Variants in NRXN3 observed in about 807,000 individuals in gnomAD.
The protein encoded by NRXN3 is neurexin III.
Under a neutral mutation model 137.6 loss-of-function variants are expected in NRXN3, and 32 were observed. The observed-to-expected ratio is 0.23, with a 90% confidence interval of 0.18 to 0.31. The LOEUF (loss-of-function observed/expected upper bound fraction) is 0.31. Ranked by LOEUF, NRXN3 falls within the 10% of genes least tolerant of loss-of-function variation. The probability of loss-of-function intolerance (pLI) is 1.00; values close to 1 mark genes in which losing one functional copy is unlikely to be tolerated. For missense variants in NRXN3, 1,574 were observed against 2,062.5 expected (o/e 0.76, Z 4.59); for synonymous variants, 798 against 784.5 (o/e 1.02, Z -0.29).
At chr14:78,478,091 C>G (rs2095410727) in intron 4 of NRXN3, among the ~76,000 whole-genome samples, 1 of 152,082 alleles carries the variant, frequency 6.6e-6, no homozygotes, top group African/African-American at 2.4e-5. Context: ...GCTGAGAAGC[C>G]AGGGTTTAAT....
At chr14:79,192,422 A>G (rs2064495303) in intron 15 of NRXN3, among the ~76,000 whole-genome samples, 1 of 152,090 alleles carries the variant, frequency 6.6e-6, no homozygotes, top group Non-Finnish European at 1.5e-5. Context: ...GTAATATGCA[A>G]CCTTGAATTA....
intron 2 of NRXN3, among the ~76,000 whole-genome samples, chr14:78,246,789 C>T (rs537199667): frequency 1.3e-5 from 2 of 150,426 alleles, no homozygotes; most frequent in East Asian, 3.9e-4. Context: ...CTACACAAAA[C>T]AAGATAATGT....
chr14:79,540,597 G>T (rs1601840257), intron 16 of NRXN3, among the ~76,000 whole-genome samples: 2 of 152,138 alleles, frequency 1.3e-5, no homozygotes, highest in Non-Finnish European at 1.5e-5. Context: ...CACAGCCTAG[G>T]TAGGTTGACA....
intron 4 of NRXN3, among the ~76,000 whole-genome samples, chr14:78,631,528 T>G (rs565881037): frequency 6.6e-6 from 1 of 152,356 alleles, no homozygotes; most frequent in East Asian, 1.9e-4. Context: ...TTTGGTTTCA[T>G]GGATAGCATA....
At chr14:78,183,185 A>G (rs1186120081) in intron 1 of NRXN3, among the ~76,000 whole-genome samples, 1 of 152,204 alleles carries the variant, frequency 6.6e-6, no homozygotes, top group Admixed American at 6.5e-5. Flanking sequence ...GGCAAGAACC[A>G]TCAGGCCAGC....
intron 8 of NRXN3, 83 bp downstream of exon 8, chr14:78,715,222 C>T (rs2152848951): frequency 3.3e-6 from 5 of 1,501,648 alleles, no homozygotes; most frequent in African/African-American, 1.4e-5. Context: ...CCCAAGCCTT[C>T]GCACCTACCT....
At chr14:79,165,545 A>G (rs140772427) in intron 15 of NRXN3, among the ~76,000 whole-genome samples, 19 of 152,178 alleles carry the variant, frequency 1.2e-4, no homozygotes, top group Non-Finnish European at 2.8e-4. Context: ...GAATCTATGC[A>G]GACACACACA....
chr14:78,209,610 T>C (rs1348222408), intron 1 of NRXN3, among the ~76,000 whole-genome samples: 1 of 152,138 alleles, frequency 6.6e-6, no homozygotes, highest in East Asian at 1.9e-4. Flanking sequence ...AAAACTGCCT[T>C]ATAAGCCCAT....
chr14:79,582,824 G>A (rs2097729613), intron 16 of NRXN3, among the ~76,000 whole-genome samples: 1 of 152,178 alleles, frequency 6.6e-6, no homozygotes, highest in Admixed American at 6.5e-5. Context: ...ACAGATGAGT[G>A]TAATGATTCA....
chr14:78,240,651 A>G (rs933262882), intron 1 of NRXN3, among the ~76,000 whole-genome samples: 4 of 152,106 alleles, frequency 2.6e-5, no homozygotes, highest in African/African-American at 9.7e-5. Flanking sequence ...TGAACCTGGT[A>G]CCTTCCTTAT....
chr14:79,706,002 G>GTA (rs61543837), intron 19 of NRXN3, among the ~76,000 whole-genome samples: 47,462 of 151,868 alleles, frequency 0.31, 8,148 homozygotes, highest in Admixed American at 0.49. Flanking sequence ...CCATCCACCA[G>GTA]TACCTTCTCA....
intron 15 of NRXN3, among the ~76,000 whole-genome samples, chr14:79,418,188 C>A (rs1030423286): frequency 6.6e-6 from 1 of 152,128 alleles, no homozygotes; most frequent in Non-Finnish European, 1.5e-5. Flanking sequence ...CTGCCAACAT[C>A]CTGACTATTC....
chr14:78,783,530 T>C (rs2098777512), intron 8 of NRXN3, among the ~76,000 whole-genome samples: 1 of 152,148 alleles, frequency 6.6e-6, no homozygotes, highest in African/African-American at 2.4e-5. Context: ...TTTAAAATAT[T>C]GAATCAATGT....
At chr14:79,502,256 C>T (rs2096832862) in intron 16 of NRXN3, among the ~76,000 whole-genome samples, 3 of 152,168 alleles carry the variant, frequency 2.0e-5, no homozygotes, top group Admixed American at 2.0e-4. Context: ...TCCCCTAAAA[C>T]AGAAAGGTGA....
At position 78,202,850 on chromosome 14, in the gene NRXN3, C is replaced by A. The variant is rs138726304; in HGVS notation, c.-704+32176C>A. Among the ~76,000 whole-genome samples the A allele has an allele frequency of 2.9e-3, 445 of 152,290 alleles. 5 individuals carry two copies. Among genetic ancestry groups the A allele is most frequent in the African/African-American group, 0.01 (424 of 41,550 alleles). On this transcript the variant is annotated intron_variant, in intron 1 of 20. Coordinates refer to ENST00000335750, the MANE Select transcript of NRXN3 (RefSeq NM_001330195.2). The stretch of plus-strand genomic sequence containing the variant: ...TATTATTTTAGTTTTATAATCCTAA[C>A]CCAATGCCATAGGTAGAATTAGCAT...
chr14:79,431,697 A>C (rs1486879384), intron 15 of NRXN3, among the ~76,000 whole-genome samples: 1 of 152,170 alleles, frequency 6.6e-6, no homozygotes, highest in Non-Finnish European at 1.5e-5. Context: ...AGAACTTTAC[A>C]CTAAACAAGA....
intron 16 of NRXN3, among the ~76,000 whole-genome samples, chr14:79,649,357 G>A (rs181821177): frequency 6.6e-6 from 1 of 151,986 alleles, no homozygotes; most frequent in African/African-American, 2.4e-5. Flanking sequence ...GATGGAAGAG[G>A]GATACCTACA....
chr14:78,291,719 G>A (rs2075821733), intron 3 of NRXN3, among the ~76,000 whole-genome samples: 2 of 152,058 alleles, frequency 1.3e-5, no homozygotes, highest in South Asian at 4.1e-4. Flanking sequence ...CTTTTAAAAA[G>A]TCCTTGTGGC....
intron 4 of NRXN3, among the ~76,000 whole-genome samples, chr14:78,503,054 T>A (rs892912854): frequency 2.5e-4 from 38 of 152,214 alleles, no homozygotes; most frequent in African/African-American, 8.9e-4. Context: ...TTATTTTATA[T>A]TAAACATCAC....
Sources: gnomAD v4.1 joint callset for allele counts (sites outside exome capture counted in the v4.1 genomes callset) on GRCh38, gnomAD v4.1.1 for gene constraint, MANE v1.5 for transcripts, NCBI Gene and HGNC (gene_info 2026-07-23, HGNC 2026-07-21) for gene names.